SPC25: variants seen among roughly 807,000 people sequenced by gnomAD.
SPC25 encodes kinetochore protein Spc25.
A neutral mutation model predicts 29.6 loss-of-function variants in SPC25; 22 were observed. The observed-to-expected ratio is 0.74, with a 90% CI of 0.53 to 1.06. The LOEUF (loss-of-function observed/expected upper bound fraction) is 1.06, where lower values mean the gene tolerates loss of function less well. Ranked by LOEUF, SPC25 falls within the 50% of genes least tolerant of loss-of-function variation. The pLI is 0.00. For missense variants in SPC25, 230 were observed against 255.8 expected (o/e 0.90, Z 0.69); for synonymous variants, 91 against 90.4 (o/e 1.01, Z -0.04).
At chr2:168,883,415 C>G (rs2105832705) in intron 3 of SPC25, among the ~76,000 whole-genome samples, 1 of 152,168 alleles carries the variant, frequency 6.6e-6, no homozygotes, top group South Asian at 2.1e-4. Context: ...AAATAAACAT[C>G]TTACTAGAAA....
intron 5 of SPC25, among the ~76,000 whole-genome samples, chr2:168,874,349 C>G (rs1450797523): frequency 6.6e-6 from 1 of 152,120 alleles, no homozygotes; most frequent in Non-Finnish European, 1.5e-5. Flanking sequence ...TACAGAATTA[C>G]AATATGACCC....
chr2:168,868,200 A>C (rs1236103035), downstream of SPC25, among the ~76,000 whole-genome samples: 1 of 152,258 alleles, frequency 6.6e-6, no homozygotes, highest in African/African-American at 2.4e-5. Context: ...GACACATTCA[A>C]AGCAGTGTGT....
At chr2:168,886,899 A>G (rs1360388945) in intron 3 of SPC25, among the ~76,000 whole-genome samples, 1 of 152,210 alleles carries the variant, frequency 6.6e-6, no homozygotes, top group Admixed American at 6.5e-5. Flanking sequence ...TTCATACTAT[A>G]GATAATCTTT....
At chr2:168,870,535 A>C (rs1484822802), downstream of SPC25, among the ~76,000 whole-genome samples, 2 of 151,952 alleles carry the variant, frequency 1.3e-5, no homozygotes, top group Admixed American at 1.3e-4. Context: ...ACCCCATCAA[A>C]AAGTGGGCGA....
chr2:168,863,024 TAAAA>T (rs1330337287), intron 4 of SPC25, among the ~76,000 whole-genome samples: 1 of 34,874 alleles, frequency 2.9e-5, no homozygotes, highest in Non-Finnish European at 4.6e-5. Context: ...CCTATGTGAA[TAAAA>T]GACAGACATA....
At position 168,888,550 on chromosome 2, in the gene SPC25, G is replaced by A. The variant is rs528334355; in HGVS notation, c.199+676C>T. ...AGCCTGGGCAACAGAGCGAGACTCT[G>A]TCTCAAAGTGAGACCCTGTCTCAAA... is the stretch of plus-strand genomic sequence containing the variant. On this transcript the variant is annotated intron_variant, in intron 3 of 6. Transcript: ENST00000282074. Among the ~76,000 whole-genome samples, 29 of 152,102 alleles carry A rather than the reference G, an allele frequency of 1.9e-4. No individual in the cohort carries two copies. The East Asian group carries it at 5.6e-3, about 29-fold the overall frequency.
At chr2:168,879,436 T>G (rs1690138739) in intron 3 of SPC25, among the ~76,000 whole-genome samples, 2 of 152,224 alleles carry the variant, frequency 1.3e-5, no homozygotes, top group African/African-American at 4.8e-5. Context: ...TGCTTATCCA[T>G]AAGAAGCAAC....
At chr2:168,867,111 C>A (rs1478984346), downstream of SPC25, among the ~76,000 whole-genome samples, 1 of 152,088 alleles carries the variant, frequency 6.6e-6, no homozygotes, top group Non-Finnish European at 1.5e-5. Flanking sequence ...TTGACCCAGC[C>A]ATCCCATTAC....
At chr2:168,875,304 T>C (rs949308086) in intron 5 of SPC25, among the ~76,000 whole-genome samples, 15 of 152,100 alleles carry the variant, frequency 9.9e-5, no homozygotes, top group Non-Finnish European at 1.8e-4. Context: ...GTCAAAAACA[T>C]TGTAAGGCAA....
Position 168,889,412 on chromosome 2 carries a change from G to A in SPC25, c.108C>T (p.Tyr36=), listed in dbSNP as rs753037901. The A allele has an allele frequency of 2.5e-6, 4 of 1,614,016 alleles. No homozygotes were observed. The highest frequency in any genetic ancestry group is 2.2e-5 in the South Asian group (2 of 91,088). ...SCQMAGLRDT[Y]KDSIKAFAEK... ...CTGCAAATGCTTTGATGGAATCCTT[G>A]TAGGTATCTCTTAGTCCCGCCATCT... Residue 36 remains tyrosine, a synonymous_variant, in exon 2 of 7, where the codon TAC becomes TAT. Transcript: ENST00000282074.
In SPC25 at chr2:168,879,135, G is replaced by C. The variant is rs1690134353; in HGVS notation, c.200-1751C>G. Among the ~76,000 whole-genome samples the C allele has an allele frequency of 2.0e-5, 3 of 152,318 alleles. No homozygotes were observed. The South Asian group carries it at 6.2e-4, about 32-fold the overall frequency. ...TGTTGATGGCTGCTGACTGATCAGA[G>C]TGGTAGCTGCTGAAGGTTGGGGTGG... On this transcript the variant is annotated intron_variant, in intron 3 of 6. Transcript: ENST00000282074.
intron 3 of SPC25, among the ~76,000 whole-genome samples, chr2:168,887,476 G>C (rs902633813): frequency 4.0e-5 from 6 of 151,832 alleles, no homozygotes; most frequent in Non-Finnish European, 5.9e-5. Context: ...ATGGGTAAAA[G>C]TGTAGCAAAT....
At chr2:168,863,111 G>T (rs1191006831) in intron 4 of SPC25, among the ~76,000 whole-genome samples, 2 of 152,060 alleles carry the variant, frequency 1.3e-5, no homozygotes, top group East Asian at 3.8e-4. Flanking sequence ...TGATTATCTT[G>T]TTTTCAGTTC....
At chr2:168,876,598 T>TCC (rs1690090713) in intron 4 of SPC25, among the ~76,000 whole-genome samples, 1 of 61,630 alleles carries the variant, frequency 1.6e-5, no homozygotes, top group Admixed American at 1.7e-4. Flanking sequence ...GTTTAGTTTT[T>TCC]TCTTTTTTTT....
intron 4 of SPC25, chr2:168,864,831 C>T (rs747169222): frequency 5.3e-5 from 86 of 1,613,522 alleles, no homozygotes; most frequent in Non-Finnish European, 6.5e-5. Flanking sequence ...TGTATTTTCA[C>T]AGGTGACATT....
intron 4 of SPC25, chr2:168,863,341 A>AGAT (rs1689598967): frequency 5.5e-6 from 5 of 906,008 alleles, no homozygotes; most frequent in Admixed American, 6.2e-5. Flanking sequence ...AATGTAGAAA[A>AGAT]GATAGAAAAG....
chr2:168,877,177 A>C, intron 4 of SPC25, 61 bp downstream of exon 4: 2 of 1,573,960 alleles, frequency 1.3e-6, no homozygotes, highest in Non-Finnish European at 1.7e-6. Context: ...GATGTACTTA[A>C]TAAAGGTGAA....
chr2:168,872,402 T>C (rs1326924029), intron 6 of SPC25, among the ~76,000 whole-genome samples: 3 of 152,238 alleles, frequency 2.0e-5, no homozygotes, highest in African/African-American at 7.2e-5. Flanking sequence ...ACAGGGGCTA[T>C]TAATCAAATG....
chr2:168,868,974 T>C (rs377308529), downstream of SPC25, among the ~76,000 whole-genome samples: 146 of 152,144 alleles, frequency 9.6e-4, no homozygotes, highest in Middle Eastern at 3.4e-3. Context: ...ACTGGCAAAC[T>C]GAATCCAGCA....
Sources: gnomAD v4.1 joint callset for allele counts (sites outside exome capture counted in the v4.1 genomes callset) on GRCh38, gnomAD v4.1.1 for gene constraint, MANE v1.5 for transcripts, NCBI Gene and HGNC (gene_info 2026-07-23, HGNC 2026-07-21) for gene names.